Variants in ST18 observed in about 807,000 individuals in gnomAD.
The protein encoded by ST18 is suppression of tumorigenicity 18 protein.
A neutral mutation model predicts 110.0 loss-of-function variants in ST18; 50 were observed. The ratio of observed to expected loss-of-function variants is 0.45; its 90% CI spans 0.36 to 0.58. ST18 has a LOEUF of 0.58. Ranked by LOEUF, ST18 falls within the 20% of genes least tolerant of loss-of-function variation. The pLI, the probability that ST18 is intolerant of heterozygous loss-of-function variation, is 0.00. For synonymous variants in ST18, 461 were observed against 452.4 expected (o/e 1.02, Z -0.24); for missense variants, 1,306 against 1,280.1 (o/e 1.02, Z -0.31).
chr8:52,309,254 C>T (rs1269734599), intron 2 of ST18, among the ~76,000 whole-genome samples: 1 of 152,190 alleles, frequency 6.6e-6, no homozygotes, highest in Non-Finnish European at 1.5e-5. Flanking sequence ...GGCATGGTAG[C>T]TCACACCTGT....
chr8:52,158,703 C>A (rs1159943436), intron 15 of ST18, among the ~76,000 whole-genome samples, 195 bp downstream of exon 15: 1 of 152,214 alleles, frequency 6.6e-6, no homozygotes, highest in African/African-American at 2.4e-5. Context: ...GCAGGATGTG[C>A]ACACTTTCAT....
intron 8 of ST18, among the ~76,000 whole-genome samples, chr8:52,198,834 A>G (rs914207275): frequency 1.3e-5 from 2 of 152,160 alleles, no homozygotes; most frequent in African/African-American, 2.4e-5. Flanking sequence ...TCCACATATC[A>G]CTTTCTGTAG....
intron 8 of ST18, among the ~76,000 whole-genome samples, chr8:52,190,072 G>T (rs1012152317): frequency 6.6e-6 from 1 of 152,134 alleles, no homozygotes; most frequent in African/African-American, 2.4e-5. Context: ...TTTGAATTTT[G>T]GGGGCACTGA....
chr8:52,228,457 G>A (rs923174262), intron 3 of ST18, among the ~76,000 whole-genome samples: 5 of 152,120 alleles, frequency 3.3e-5, no homozygotes, highest in Admixed American at 6.6e-5. Context: ...TTTAAGCAAC[G>A]TGTGTTCATA....
At chr8:52,141,606 T>TG (rs979600526) in intron 17 of ST18, among the ~76,000 whole-genome samples, 3 of 150,710 alleles carry the variant, frequency 2.0e-5, no homozygotes, top group African/African-American at 7.4e-5. Flanking sequence ...GGGCTGAGGG[T>TG]GGGGAAGCAC....
At chr8:52,196,858 G>C (rs557245073) in intron 8 of ST18, among the ~76,000 whole-genome samples, 1 of 152,144 alleles carries the variant, frequency 6.6e-6, no homozygotes, top group Non-Finnish European at 1.5e-5. Context: ...CCTCCTGGAG[G>C]TAAGGGCTAT....
intron 2 of ST18, among the ~76,000 whole-genome samples, chr8:52,367,146 C>A (rs938081782): frequency 2.0e-5 from 3 of 151,642 alleles, no homozygotes; most frequent in African/African-American, 7.3e-5. Flanking sequence ...GCACCAGAAT[C>A]GCTTGAATCC....
chr8:52,244,911 G>A (rs1157814647), intron 2 of ST18, among the ~76,000 whole-genome samples: 2 of 152,024 alleles, frequency 1.3e-5, no homozygotes, highest in Non-Finnish European at 2.9e-5. Flanking sequence ...GTATACACTG[G>A]TGTCTTTCAC....
chr8:52,211,943 A>G (rs1372081306), intron 8 of ST18, 136 bp downstream of exon 8: 46 of 834,456 alleles, frequency 5.5e-5, no homozygotes, highest in Non-Finnish European at 8.6e-5. Flanking sequence ...TGGTGCATAC[A>G]CAACGTCTGG....
At chr8:52,194,912 A>T (rs1198311073) in intron 8 of ST18, among the ~76,000 whole-genome samples, 1 of 152,246 alleles carries the variant, frequency 6.6e-6, no homozygotes, top group Non-Finnish European at 1.5e-5. Flanking sequence ...TTAAAGAAAC[A>T]ACTATTCAAT....
At chr8:52,236,236 A>G in intron 2 of ST18, among the ~76,000 whole-genome samples, 1 of 152,218 alleles carries the variant, frequency 6.6e-6, no homozygotes, top group East Asian at 1.9e-4. Flanking sequence ...ATCTCACCAC[A>G]ATCTAAGGAA....
intron 13 of ST18, 32 bp downstream of exon 13, chr8:52,163,954 A>C (rs1489459432): frequency 6.5e-7 from 1 of 1,548,146 alleles, no homozygotes; most frequent in Non-Finnish European, 8.9e-7. Flanking sequence ...CTGGATGAAG[A>C]GAGCACTGAG....
intron 2 of ST18, among the ~76,000 whole-genome samples, chr8:52,347,523 G>A (rs1385388539): frequency 6.6e-6 from 1 of 152,108 alleles, no homozygotes; most frequent in African/African-American, 2.4e-5. Context: ...ATCAAACATT[G>A]GGATGAAGAG....
chr8:52,288,180 C>T (rs1340003041), intron 2 of ST18, among the ~76,000 whole-genome samples: 1 of 152,182 alleles, frequency 6.6e-6, no homozygotes, highest in Non-Finnish European at 1.5e-5. Flanking sequence ...ACAACCAGTT[C>T]ATCCCTTGGT....
intron 2 of ST18, among the ~76,000 whole-genome samples, chr8:52,279,418 C>T (rs1489281786): frequency 6.6e-6 from 1 of 151,918 alleles, no homozygotes; most frequent in Non-Finnish European, 1.5e-5. Flanking sequence ...AGATTTGGAA[C>T]ACAGAGTGAA....
intron 2 of ST18, among the ~76,000 whole-genome samples, chr8:52,371,905 T>A (rs1319679572): frequency 6.6e-6 from 1 of 152,248 alleles, no homozygotes; most frequent in East Asian, 1.9e-4. Context: ...TAATACTTGA[T>A]AATGATAAAT....
chr8:52,165,904 G>A (rs1332421855), intron 11 of ST18, among the ~76,000 whole-genome samples: 1 of 152,220 alleles, frequency 6.6e-6, no homozygotes. Flanking sequence ...GTAACAGGTC[G>A]ATATTGTACA....
chr8:52,344,333 AG>A (rs1214945581), intron 2 of ST18, among the ~76,000 whole-genome samples: 1 of 152,212 alleles, frequency 6.6e-6, no homozygotes, highest in African/African-American at 2.4e-5. Flanking sequence ...TAGTTTAAAC[AG>A]GAGCATGGAA....
intron 2 of ST18, among the ~76,000 whole-genome samples, chr8:52,370,054 C>G (rs957576654): frequency 1.3e-5 from 2 of 152,190 alleles, no homozygotes; most frequent in African/African-American, 4.8e-5. Context: ...TGCATGTGCA[C>G]ACACCCACCA....
Sources: gnomAD v4.1 joint callset for allele counts (sites outside exome capture counted in the v4.1 genomes callset) on GRCh38, gnomAD v4.1.1 for gene constraint, MANE v1.5 for transcripts, NCBI Gene and HGNC (gene_info 2026-07-23, HGNC 2026-07-21) for gene names.